COMMD10: variants seen among roughly 807,000 people sequenced by gnomAD.
COMMD10 encodes COMM domain containing 10, also known as COMM domain-containing protein 10.
COMMD10 carries 33 observed loss-of-function variants against 28.9 expected under a neutral mutation model. The ratio of observed to expected loss-of-function variants is 1.14; its 90% CI spans 0.87 to 1.53. The LOEUF (loss-of-function observed/expected upper bound fraction) is 1.53. Among genes scored for constraint, COMMD10 ranks in the 40% most tolerant of loss-of-function variants. The probability of loss-of-function intolerance (pLI) is 0.00; values close to 1 mark genes in which losing one functional copy is unlikely to be tolerated. For missense variants in COMMD10, 310 were observed against 233.4 expected (o/e 1.33, Z -2.14); for synonymous variants, 110 against 81.7 (o/e 1.35, Z -1.87).
intron 5 of COMMD10, among the ~76,000 whole-genome samples, chr5:116,160,554 C>A (rs936044322): frequency 6.6e-6 from 1 of 152,008 alleles, no homozygotes; most frequent in Non-Finnish European, 1.5e-5. Context: ...TCTTTAACAG[C>A]TGGTTTGATT....
At chr5:116,128,907 GA>G (rs1264038209) in intron 4 of COMMD10, among the ~76,000 whole-genome samples, 1 of 151,818 alleles carries the variant, frequency 6.6e-6, no homozygotes, top group Non-Finnish European at 1.5e-5. Flanking sequence ...GACTTTTGCA[GA>G]ATATCACACC....
At chr5:116,169,078 G>GAATTAACA (rs1554095920) in intron 5 of COMMD10, among the ~76,000 whole-genome samples, 1 of 151,858 alleles carries the variant, frequency 6.6e-6, no homozygotes, top group African/African-American at 2.4e-5. Flanking sequence ...TTTCTGAAAA[G>GAATTAACA]AATTAACAAA....
At chr5:116,174,775 C>G (rs1345336746) in intron 5 of COMMD10, among the ~76,000 whole-genome samples, 1 of 152,108 alleles carries the variant, frequency 6.6e-6, no homozygotes, top group East Asian at 1.9e-4. Context: ...GTTGGATCTT[C>G]TCTAGGTAGT....
intron 5 of COMMD10, among the ~76,000 whole-genome samples, chr5:116,200,343 C>T (rs191345947): frequency 6.6e-5 from 10 of 152,064 alleles, no homozygotes; most frequent in African/African-American, 2.2e-4. Context: ...ACTTTGGCAT[C>T]TTTCAGGATT....
At chr5:116,124,521 G>A (rs901023832) in intron 4 of COMMD10, among the ~76,000 whole-genome samples, 2 of 152,142 alleles carry the variant, frequency 1.3e-5, no homozygotes, top group African/African-American at 4.8e-5. Context: ...ATTGCGATGC[G>A]GTGCTGAGAA....
chr5:116,233,042 C>A (rs1330505164), intron 5 of COMMD10, among the ~76,000 whole-genome samples: 2 of 152,112 alleles, frequency 1.3e-5, no homozygotes, highest in Non-Finnish European at 2.9e-5. Context: ...AATATTTATT[C>A]ATTCAACAAA....
At chr5:116,151,906 A>G (rs943465384) in intron 5 of COMMD10, among the ~76,000 whole-genome samples, 4 of 151,988 alleles carry the variant, frequency 2.6e-5, no homozygotes, top group East Asian at 1.9e-4. Context: ...TAGCTTTGGA[A>G]TATGTTTGCT....
rs191051958 is a variant in COMMD10 at position 116,116,367 on chromosome 5, A to T, written c.400-17701A>T. On this transcript the variant is annotated intron_variant, in intron 4 of 6. Transcript: ENST00000274458. ...CTTTTGGCATTCTATGGATGGTCGA[A>T]TGGCTTTGTCCTAAAGAGGACAGAA... Among the ~76,000 whole-genome samples, 31 of 152,280 alleles carry T rather than the reference A, an allele frequency of 2.0e-4. No individual in the cohort carries two copies. In the East Asian group the frequency reaches 6.0e-3, roughly 29 times the overall value.
intron 5 of COMMD10, among the ~76,000 whole-genome samples, chr5:116,236,797 A>G (rs1280258875): frequency 6.6e-6 from 1 of 152,122 alleles, no homozygotes; most frequent in East Asian, 1.9e-4. Context: ...GTGAACCCTA[A>G]TGTAAACTAT....
At chr5:116,265,222 G>T (rs10079394) in intron 5 of COMMD10, among the ~76,000 whole-genome samples, 15,124 of 151,632 alleles carry the variant, frequency 0.1, 933 homozygotes, top group Admixed American at 0.14. Flanking sequence ...TGCTCTTTCT[G>T]CTAGAGCATA....
intron 4 of COMMD10, among the ~76,000 whole-genome samples, chr5:116,132,606 AC>A (rs770624890): frequency 6.9e-4 from 105 of 152,134 alleles, no homozygotes; most frequent in Non-Finnish European, 1.1e-3. Flanking sequence ...GGTAAATGCA[AC>A]ATTTTACAGG....
chr5:116,142,268 G>T (rs1752218554), intron 5 of COMMD10, among the ~76,000 whole-genome samples: 1 of 151,590 alleles, frequency 6.6e-6, no homozygotes, highest in South Asian at 2.1e-4. Flanking sequence ...TTATGTTATG[G>T]CTATGACAGA....
chr5:116,102,589 G>T (rs532521891), intron 4 of COMMD10, among the ~76,000 whole-genome samples: 1 of 152,186 alleles, frequency 6.6e-6, no homozygotes, highest in Admixed American at 6.5e-5. Context: ...CTAATTTAGT[G>T]AAAAATGACA....
At chr5:116,268,013 C>T (rs1157279390) in intron 5 of COMMD10, among the ~76,000 whole-genome samples, 1 of 151,744 alleles carries the variant, frequency 6.6e-6, no homozygotes, top group Non-Finnish European at 1.5e-5. Flanking sequence ...AAAACCTAGG[C>T]AATACCATTC....
rs941621909 is a variant in COMMD10 at position 116,178,646 on chromosome 5, T to G, written c.510+44468T>G. 3.3e-5 allele frequency among the ~76,000 whole-genome samples: 5 copies of G among 152,114 alleles called. 1 individual carries two copies. Among genetic ancestry groups the G allele is most frequent in the Non-Finnish European group, 1.5e-5 (1 of 68,006 alleles). On this transcript the variant is annotated intron_variant, in intron 5 of 6. Coordinates refer to ENST00000274458, the MANE Select transcript of COMMD10 (RefSeq NM_016144.4). ...TCTAATTCCTAAGAAGCACTTAATA[T>G]TATAGCATCAGGAGATATATCATCT...
chr5:116,173,696 A>C (rs988242670), intron 5 of COMMD10, among the ~76,000 whole-genome samples: 1 of 152,136 alleles, frequency 6.6e-6, no homozygotes, highest in East Asian at 1.9e-4. Flanking sequence ...TTATAGTTTC[A>C]TAAATTATCC....
At chr5:116,136,631 C>G (rs557427069) in intron 5 of COMMD10, among the ~76,000 whole-genome samples, 1 of 150,534 alleles carries the variant, frequency 6.6e-6, no homozygotes, top group Admixed American at 6.6e-5. Flanking sequence ...TCTAGTAAGA[C>G]AGCCATGTTA....
chr5:116,139,611 G>C (rs1023144002), intron 5 of COMMD10, among the ~76,000 whole-genome samples: 2 of 150,402 alleles, frequency 1.3e-5, no homozygotes, highest in African/African-American at 4.9e-5. Flanking sequence ...TTTCATTGAA[G>C]TATCACGTAT....
At chr5:116,119,651 G>C (rs1453411183) in intron 4 of COMMD10, among the ~76,000 whole-genome samples, 2 of 152,074 alleles carry the variant, frequency 1.3e-5, no homozygotes, top group Non-Finnish European at 2.9e-5. Flanking sequence ...CACTCAGGCT[G>C]AAGTGTGCAG....
Sources: gnomAD v4.1 joint callset for allele counts (sites outside exome capture counted in the v4.1 genomes callset) on GRCh38, gnomAD v4.1.1 for gene constraint, MANE v1.5 for transcripts, NCBI Gene and HGNC (gene_info 2026-07-23, HGNC 2026-07-21) for gene names.